ARHGAP15: variants seen among roughly 807,000 people sequenced by gnomAD.
The protein encoded by ARHGAP15 is Rho GTPase activating protein 15, also known as rho GTPase-activating protein 15.
Under a neutral mutation model 63.7 loss-of-function variants are expected in ARHGAP15, and 51 were observed. The ratio of observed to expected loss-of-function variants is 0.80; its 90% CI spans 0.64 to 1.01. The LOEUF (loss-of-function observed/expected upper bound fraction) is 1.01. Among genes scored for constraint, ARHGAP15 ranks in the 50% least tolerant of loss-of-function variants. The pLI is 0.00. For synonymous variants in ARHGAP15, 191 were observed against 193.8 expected (o/e 0.99, Z 0.12); for missense variants, 560 against 564.6 (o/e 0.99, Z 0.08).
chr2:143,551,802 T>C (rs1695575303), intron 10 of ARHGAP15, among the ~76,000 whole-genome samples: 1 of 152,172 alleles, frequency 6.6e-6, no homozygotes, highest in South Asian at 2.1e-4. Flanking sequence ...TCAACACCAC[T>C]GAGTTGGAAG....
intron 11 of ARHGAP15, among the ~76,000 whole-genome samples, chr2:143,601,766 A>G (rs1461788599): frequency 2.6e-5 from 4 of 152,008 alleles, no homozygotes. Flanking sequence ...ACTTGCATCT[A>G]TTTCCTTTTT....
At chr2:143,467,040 A>G (rs368668927) in intron 8 of ARHGAP15, among the ~76,000 whole-genome samples, 2 of 152,146 alleles carry the variant, frequency 1.3e-5, no homozygotes, top group South Asian at 2.1e-4. Context: ...CGTGTTTTTC[A>G]GCATCTCTTC....
rs551463420 is a variant in ARHGAP15, at chr2:143,135,103, A to G, written c.-15+5637A>G. 4.6e-5 allele frequency among the ~76,000 whole-genome samples: 7 copies of G among 152,332 alleles called. No homozygotes were observed. The South Asian group carries it at 1.4e-3, about 32-fold the overall frequency. On this transcript the variant is annotated intron_variant, in intron 1 of 13. Coordinates refer to ENST00000295095, the MANE Select transcript of ARHGAP15 (RefSeq NM_018460.4). ...TATAATCACTGGCTCAAGTAGATGA[A>G]TTAACCTTAAACAGAAGAGAGAGCA...
At chr2:143,417,002 T>C (rs1218920027) in intron 6 of ARHGAP15, among the ~76,000 whole-genome samples, 2 of 152,158 alleles carry the variant, frequency 1.3e-5, no homozygotes, top group Non-Finnish European at 2.9e-5. Flanking sequence ...CTAATAGGGA[T>C]TCTGCGAAGT....
At chr2:143,491,382 T>A (rs1023101156) in intron 9 of ARHGAP15, among the ~76,000 whole-genome samples, 1 of 152,224 alleles carries the variant, frequency 6.6e-6, no homozygotes, top group Non-Finnish European at 1.5e-5. Context: ...AGATAACCAT[T>A]GTTTGGCTTT....
chr2:143,263,433 T>A (rs1680830577), intron 6 of ARHGAP15, among the ~76,000 whole-genome samples: 1 of 152,160 alleles, frequency 6.6e-6, no homozygotes, highest in Non-Finnish European at 1.5e-5. Context: ...GGGGTCAGTA[T>A]CTGCCTCTGC....
rs978626492 is a variant in ARHGAP15, at chr2:143,249,565, A to G, written c.385-946A>G. Among the ~76,000 whole-genome samples the G allele has an allele frequency of 1.4e-4, 21 of 152,286 alleles. 3 individuals carry two copies. The highest frequency in any genetic ancestry group is 9.8e-4 in the Admixed American group (15 of 15,290). ...ATGACTTGAGAAAAGTATGGAATCTACAGAGAAACCTAGAAAATTTATCTG... is the reference window on the plus strand; with the variant it reads ...ATGACTTGAGAAAAGTATGGAATCTGCAGAGAAACCTAGAAAATTTATCTG... On this transcript the variant is annotated intron_variant, in intron 5 of 13. Coordinates refer to ENST00000295095, the MANE Select transcript of ARHGAP15 (RefSeq NM_018460.4).
At chr2:143,233,430 C>G (rs996674879) in intron 5 of ARHGAP15, among the ~76,000 whole-genome samples, 1 of 151,936 alleles carries the variant, frequency 6.6e-6, no homozygotes, top group African/African-American at 2.4e-5. Flanking sequence ...ATTACACTGT[C>G]TTCTGTTATC....
At chr2:143,505,875 C>A (rs1693289931) in intron 9 of ARHGAP15, among the ~76,000 whole-genome samples, 2 of 152,172 alleles carry the variant, frequency 1.3e-5, no homozygotes, top group Non-Finnish European at 2.9e-5. Context: ...TGCTTTTAAC[C>A]TAAAGTGCTT....
At chr2:143,635,804 A>G (rs763362777) in intron 12 of ARHGAP15, among the ~76,000 whole-genome samples, 85 of 152,166 alleles carry the variant, frequency 5.6e-4, no homozygotes, top group Non-Finnish European at 1.1e-3. Flanking sequence ...TAAGAGTAAA[A>G]GTAATATGTT....
chr2:143,405,481 CT>C lies in ARHGAP15; in HGVS notation c.475-30116del, dbSNP rs371036498. On this transcript the variant is annotated intron_variant, in intron 6 of 13. Transcript: ENST00000295095. ...TAAAACATAAAAAATTTGTGCTCCC[CT>C]TTTCACATTGTCATAAACTACATAT... Among the ~76,000 whole-genome samples the C allele has an allele frequency of 1.8e-3, 276 of 151,886 alleles. 1 individual carries two copies. Among genetic ancestry groups the C allele is most frequent in the African/African-American group, 6.1e-3 (253 of 41,496 alleles).
chr2:143,403,971 C>T (rs1688094980), intron 6 of ARHGAP15, among the ~76,000 whole-genome samples: 1 of 151,480 alleles, frequency 6.6e-6, no homozygotes, highest in African/African-American at 2.4e-5. Flanking sequence ...TTACTCAAGA[C>T]ATATTCAAGT....
intron 11 of ARHGAP15, among the ~76,000 whole-genome samples, chr2:143,621,475 T>G (rs1026907932): frequency 6.6e-6 from 1 of 152,184 alleles, no homozygotes; most frequent in African/African-American, 2.4e-5. Context: ...CTTGCAAAAT[T>G]TGCCTTAACA....
intron 8 of ARHGAP15, among the ~76,000 whole-genome samples, chr2:143,479,770 T>A (rs1199198711): frequency 6.6e-6 from 1 of 151,416 alleles, no homozygotes; most frequent in Non-Finnish European, 1.5e-5. Flanking sequence ...AAAAAAAAAA[T>A]GTCATTGTGT....
chr2:143,474,239 TAAAG>T lies in ARHGAP15; in HGVS notation c.704-13130_704-13127del, dbSNP rs571701993. On this transcript the variant is annotated intron_variant, in intron 8 of 13. Transcript: ENST00000295095. ...TTACAGATTTCAGGTTACCAAAAGTTAAAGAAATGGATAAAAGCAAAACACTTAG... is the reference window on the plus strand; with the variant it reads ...TTACAGATTTCAGGTTACCAAAAGTTAAATGGATAAAAGCAAAACACTTAG... Among the ~76,000 whole-genome samples the T allele has an allele frequency of 1.4e-3, 206 of 152,142 alleles. 1 individual carries two copies. Among genetic ancestry groups the T allele is most frequent in the African/African-American group, 4.7e-3 (196 of 41,500 alleles).
At chr2:143,594,982 C>T (rs181508364) in intron 11 of ARHGAP15, among the ~76,000 whole-genome samples, 9 of 152,258 alleles carry the variant, frequency 5.9e-5, no homozygotes, top group Non-Finnish European at 4.4e-5. Context: ...ACCGTACAAG[C>T]AAATGATGGA....
At chr2:143,600,943 T>A (rs544062716) in intron 11 of ARHGAP15, among the ~76,000 whole-genome samples, 12 of 152,190 alleles carry the variant, frequency 7.9e-5, no homozygotes, top group Non-Finnish European at 1.2e-4. Flanking sequence ...TATTCTTTAA[T>A]GCATGTCACA....
At chr2:143,539,939 T>A (rs373224803) in intron 10 of ARHGAP15, among the ~76,000 whole-genome samples, 50,081 of 150,914 alleles carry the variant, frequency 0.33, 8,544 homozygotes, top group East Asian at 0.42. Flanking sequence ...TATCCTTGTT[T>A]ACTTTCTGTC....
rs1553534314 is a variant in ARHGAP15 at position 143,730,946 on chromosome 2, T to TAAA, written c.1244+27422_1244+27423insAAA. On this transcript the variant is annotated intron_variant, in intron 13 of 13. Coordinates refer to ENST00000295095, the MANE Select transcript of ARHGAP15 (RefSeq NM_018460.4). ...GAAAAAGGCTTTTTTTTTTTTTTTT[T>TAAA]GATTCAGTGTGCACAGAATTTATTG... 2.9e-4 allele frequency among the ~76,000 whole-genome samples: 2 copies of TAAA among 6,902 alleles called. 1 individual carries two copies. Among genetic ancestry groups the TAAA allele is most frequent in the Non-Finnish European group, 4.2e-4 (2 of 4,708 alleles). The allele number at this position is 6,902 out of a possible 152,430, so 4.5% of individuals were successfully genotyped here.
Sources: allele counts gnomAD v4.1 joint callset (sites outside exome capture counted in the v4.1 genomes callset), GRCh38; gene constraint gnomAD v4.1.1; transcripts MANE v1.5; gene names NCBI Gene and HGNC (gene_info 2026-07-23, HGNC 2026-07-21).